The following DHRS7C variants were observed in gnomAD, a reference collection of about 807,000 sequenced individuals.
DHRS7C encodes dehydrogenase/reductase SDR family member 7C.
A neutral mutation model predicts 29.6 loss-of-function variants in DHRS7C; 28 were observed. That is an observed-to-expected ratio of 0.95 (90% CI 0.70 to 1.30). The LOEUF is 1.30. Among genes scored for constraint, DHRS7C ranks in the 50% most tolerant of loss-of-function variants. DHRS7C has a pLI of 0.00. For missense variants in DHRS7C, 403 were observed against 393.3 expected (o/e 1.02, Z -0.21); for synonymous variants, 158 against 160.2 (o/e 0.99, Z 0.10).
intron 1 of DHRS7C, among the ~76,000 whole-genome samples, chr17:9,783,337 G>A (rs1329392930): frequency 6.6e-6 from 1 of 152,162 alleles, no homozygotes; most frequent in African/African-American, 2.4e-5. Context: ...TGTCCGTGAT[G>A]AGTCTGGATG....
chr17:9,776,879 C>T (rs1305746032), intron 4 of DHRS7C, among the ~76,000 whole-genome samples: 3 of 152,148 alleles, frequency 2.0e-5, no homozygotes, highest in Non-Finnish European at 4.4e-5. Context: ...TACGACTGTG[C>T]ATCTTTCTCA....
Position 9,791,354 on chromosome 17 carries a change from G to T in DHRS7C, c.-70C>A. 6.4e-7 allele frequency: 1 copy of T among 1,551,544 alleles called. No individual in the cohort carries two copies. Among genetic ancestry groups the T allele is most frequent in the Non-Finnish European group, 8.7e-7 (1 of 1,144,288 alleles). On this transcript the variant is annotated 5_prime_UTR_variant, in exon 1 of 6. Transcript: ENST00000571134. ...AGAGACGCTGATCAGGACTCCCAGG[G>T]CAGGGGGAGGCCCAAGGCTGCAGGG...
Position 9,771,674 on chromosome 17 carries a change from G to A in DHRS7C, c.750C>T (p.Tyr250=), listed in dbSNP as rs763046068. ...IWKFFFRKLT[Y]GVHPVEVAEE... Reference sequence around the variant, plus strand: ...CCGCCACCTCTACTGGGTGCACGCCGTAGGTCAGCTTCCTGAAAAAGACTG... The same window carrying A: ...CCGCCACCTCTACTGGGTGCACGCCATAGGTCAGCTTCCTGAAAAAGACTG... The change falls in exon 6 of 6, where the codon TAC becomes TAT. Residue 250 remains tyrosine (Y), a synonymous_variant. Coordinates refer to ENST00000571134, the MANE Select transcript of DHRS7C (RefSeq NM_001105571.3). 3.9e-6 allele frequency: 6 copies of A among 1,521,556 alleles called. No individual in the cohort carries two copies. The highest frequency in any genetic ancestry group is 4.4e-6 in the Non-Finnish European group (5 of 1,129,766). 94.3% of individuals were successfully genotyped at this position (1,521,556 alleles called of 1,614,324 possible). A position where few individuals can be genotyped will look rare whatever the true frequency, so the allele number is the denominator to read the frequency against.
chr17:9,782,649 C>T (rs1162257646), intron 1 of DHRS7C, among the ~76,000 whole-genome samples: 1 of 152,226 alleles, frequency 6.6e-6, no homozygotes, highest in African/African-American at 2.4e-5. Flanking sequence ...CATCTGCACG[C>T]CATTTGCAAT....
rs1480789221 is a variant in DHRS7C, at chr17:9,777,172, AT to A, written c.571+20del. The A allele has an allele frequency of 1.3e-6, 2 of 1,592,302 alleles. No homozygotes were observed. Among genetic ancestry groups the A allele is most frequent in the South Asian group, 1.1e-5 (1 of 89,596 alleles). ...TAAGACATACAACAGAAGATATCATATTTTTATCTTAGCAACTTACAAGTCG... is the reference window on the plus strand; with the variant it reads ...TAAGACATACAACAGAAGATATCATATTTTATCTTAGCAACTTACAAGTCG... On this transcript the variant is annotated intron_variant, in intron 4 of 5. Coordinates refer to ENST00000571134, the MANE Select transcript of DHRS7C (RefSeq NM_001105571.3).
At chr17:9,781,188 A>G (rs1176845506) in intron 2 of DHRS7C, among the ~76,000 whole-genome samples, 1 of 152,228 alleles carries the variant, frequency 6.6e-6, no homozygotes, top group African/African-American at 2.4e-5. Flanking sequence ...TTGTAATCAC[A>G]GTCCATACCT....
rs925245301 is a variant in DHRS7C at position 9,789,392 on chromosome 17, G to A, written c.154+1739C>T. On this transcript the variant is annotated intron_variant, in intron 1 of 5. Coordinates refer to ENST00000571134, the MANE Select transcript of DHRS7C (RefSeq NM_001105571.3). Reference sequence around the variant, plus strand: ...ACTTATCCAAATGAGGGCCTTCCCTGATCACATGTCACTTTTAGAGGTTAT... The same window carrying A: ...ACTTATCCAAATGAGGGCCTTCCCTAATCACATGTCACTTTTAGAGGTTAT... 3.3e-5 allele frequency among the ~76,000 whole-genome samples: 5 copies of A among 152,206 alleles called. 1 individual carries two copies. In the East Asian group the frequency reaches 5.8e-4, roughly 18 times the overall value.
At chr17:9,778,478 C>T (rs532257449) in intron 3 of DHRS7C, among the ~76,000 whole-genome samples, 2 of 152,216 alleles carry the variant, frequency 1.3e-5, no homozygotes, top group South Asian at 4.2e-4. Context: ...ACCCAGGGTC[C>T]TTAGTGAGTT....
chr17:9,786,008 G>A (rs764928188), intron 1 of DHRS7C, among the ~76,000 whole-genome samples: 5 of 151,892 alleles, frequency 3.3e-5, no homozygotes, highest in African/African-American at 7.2e-5. Context: ...CCACCGTGAC[G>A]GAAGGATTTT....
intron 1 of DHRS7C, among the ~76,000 whole-genome samples, chr17:9,790,285 A>G (rs2066447576): frequency 6.6e-6 from 1 of 152,212 alleles, no homozygotes; most frequent in Non-Finnish European, 1.5e-5. Flanking sequence ...TAAAAATAAT[A>G]AAAACAACAG....
intron 1 of DHRS7C, among the ~76,000 whole-genome samples, chr17:9,789,947 A>T (rs988135698): frequency 1.3e-5 from 2 of 151,976 alleles, no homozygotes; most frequent in African/African-American, 2.4e-5. Flanking sequence ...TGTGAGACTC[A>T]TCTAGGGGCC....
At chr17:9,778,197 C>G (rs1194304865) in intron 3 of DHRS7C, among the ~76,000 whole-genome samples, 1 of 151,954 alleles carries the variant, frequency 6.6e-6, no homozygotes, top group East Asian at 1.9e-4. Flanking sequence ...CGAGACCATC[C>G]TGGCTAACAC....
rs1201497929 is a variant in DHRS7C, at chr17:9,771,539, G to A, written c.885C>T (p.Ala295=). 7 of 1,588,302 alleles carry A rather than the reference G, an allele frequency of 4.4e-6. No individual in the cohort carries two copies. Among genetic ancestry groups the A allele is most frequent in the East Asian group, 4.6e-5 (2 of 43,462 alleles). ...VRTFFPEFFF[A]VVACGVKEKL... The stretch of plus-strand genomic sequence containing the variant: ...TCTCCTTCACCCCACAGGCCACCAC[G>A]GCGAAAAAGAACTCCGGGAAGAAGG... The change falls in exon 6 of 6, where the codon GCC becomes GCT. Residue 295 remains alanine (A), a synonymous_variant. Coordinates refer to ENST00000571134, the MANE Select transcript of DHRS7C (RefSeq NM_001105571.3).
intron 4 of DHRS7C, among the ~76,000 whole-genome samples, chr17:9,776,209 A>G (rs544810006): frequency 6.6e-6 from 1 of 152,280 alleles, no homozygotes; most frequent in African/African-American, 2.4e-5. Context: ...TCTCAAAAAA[A>G]GAAAAAGAAA....
intron 1 of DHRS7C, among the ~76,000 whole-genome samples, chr17:9,786,493 G>A (rs1237639566): frequency 6.6e-6 from 1 of 151,818 alleles, no homozygotes; most frequent in Admixed American, 6.6e-5. Flanking sequence ...CTCATGACTG[G>A]TTACTCACAT....
rs747101769 is a variant in DHRS7C at position 9,775,771 on chromosome 17, C to T, written c.571+1422G>A. ...TGGGTTGAATTCTGTTATCAGCCTC[C>T]GAAAATTTATATGCTGAAACCCAAT... On this transcript the variant is annotated intron_variant, in intron 4 of 5. Transcript: ENST00000571134. The surrounding 1 kb of genome is among the most constrained non-coding windows in gnomAD (Gnocchi z 4.2). Among the ~76,000 whole-genome samples the T allele has an allele frequency of 5.3e-5, 8 of 152,218 alleles. No individual in the cohort carries two copies. In the East Asian group the frequency reaches 5.8e-4, roughly 11 times the overall value.
chr17:9,782,529 G>A (rs994696962), intron 1 of DHRS7C, among the ~76,000 whole-genome samples: 1 of 150,834 alleles, frequency 6.6e-6, no homozygotes, highest in Non-Finnish European at 1.5e-5. Flanking sequence ...GTACACCAGT[G>A]TCAATCAGTC....
In DHRS7C at chr17:9,774,778, A is replaced by G. The variant is rs1486751038; in HGVS notation, c.572-1856T>C. The stretch of plus-strand genomic sequence containing the variant: ...AATTCCTTTTGGGTGGTCAAAAGAA[A>G]CCTCTGAGTCGGCAGACCCCAGGTC... On this transcript the variant is annotated intron_variant, in intron 4 of 5. Coordinates refer to ENST00000571134, the MANE Select transcript of DHRS7C (RefSeq NM_001105571.3). The surrounding 1 kb of genome is among the most constrained non-coding windows in gnomAD (Gnocchi z 5.0). Among the ~76,000 whole-genome samples, 1 of 151,916 alleles carries G rather than the reference A, an allele frequency of 6.6e-6. No individual in the cohort carries two copies. Among genetic ancestry groups the G allele is most frequent in the Non-Finnish European group, 1.5e-5 (1 of 68,004 alleles).
intron 3 of DHRS7C, among the ~76,000 whole-genome samples, chr17:9,777,984 G>A (rs1355529038): frequency 6.6e-6 from 1 of 152,124 alleles, no homozygotes. Flanking sequence ...TCAGAGAAAG[G>A]TATTAAATTA....
Sources: gnomAD v4.1 joint callset for allele counts (sites outside exome capture counted in the v4.1 genomes callset) on GRCh38, gnomAD v4.1.1 for gene constraint, Gnocchi (gnomAD v3.1) non-coding constraint, MANE v1.5 for transcripts, NCBI Gene and HGNC (gene_info 2026-07-23, HGNC 2026-07-21) for gene names.